PLXDC2: variants seen among roughly 807,000 people sequenced by gnomAD.
PLXDC2 encodes plexin domain-containing protein 2.
PLXDC2 carries 40 observed loss-of-function variants against 68.9 expected under a neutral mutation model. The observed-to-expected ratio is 0.58, with a 90% CI of 0.45 to 0.76. The LOEUF is 0.76. Ranked by LOEUF, PLXDC2 falls within the 30% of genes least tolerant of loss-of-function variation. PLXDC2 has a pLI of 0.00. For missense variants in PLXDC2, 644 were observed against 661.9 expected, an observed-to-expected ratio of 0.97 and a Z score of 0.30; for synonymous variants, 243 against 234.2, an observed-to-expected ratio of 1.04 and a Z score of -0.34.
intron 6 of PLXDC2, among the ~76,000 whole-genome samples, chr10:20,154,145 C>T (rs1235485785): frequency 1.3e-5 from 2 of 152,094 alleles, no homozygotes; most frequent in Non-Finnish European, 2.9e-5. Flanking sequence ...AACCCTAAAT[C>T]TCAGCTTCTT....
intron 1 of PLXDC2, among the ~76,000 whole-genome samples, chr10:19,869,708 G>T (rs1006265239): frequency 5.9e-5 from 9 of 151,510 alleles, no homozygotes; most frequent in Non-Finnish European, 1.3e-4. Context: ...ATTATCTGAA[G>T]TGTTTTATTT....
intron 1 of PLXDC2, among the ~76,000 whole-genome samples, chr10:19,994,928 G>A (rs1174822513): frequency 1.3e-5 from 2 of 151,902 alleles, no homozygotes; most frequent in Non-Finnish European, 2.9e-5. Context: ...ATTTTTAGTA[G>A]AGACGGGGTT....
At chr10:20,134,671 CT>C (rs1438851115) in intron 4 of PLXDC2, among the ~76,000 whole-genome samples, 20 of 152,266 alleles carry the variant, frequency 1.3e-4, no homozygotes, top group Admixed American at 1.1e-3. Context: ...TTCACAGGCG[CT>C]TACGTGAAGC....
intron 1 of PLXDC2, among the ~76,000 whole-genome samples, chr10:19,975,874 T>C (rs1033418094): frequency 6.6e-6 from 1 of 151,594 alleles, no homozygotes; most frequent in Non-Finnish European, 1.5e-5. Flanking sequence ...CATGGTGGCA[T>C]GCGCCTGTAA....
intron 6 of PLXDC2, among the ~76,000 whole-genome samples, chr10:20,160,158 C>G (rs867684881): frequency 6.6e-6 from 1 of 152,218 alleles, no homozygotes; most frequent in Middle Eastern, 3.4e-3. Context: ...TCTATCTTAT[C>G]AAATGGACAG....
intron 3 of PLXDC2, among the ~76,000 whole-genome samples, chr10:20,053,570 C>A (rs575813171): frequency 6.6e-6 from 1 of 152,218 alleles, no homozygotes; most frequent in Admixed American, 6.5e-5. Context: ...ATTTCAAATT[C>A]CACGTTTTTG....
chr10:19,871,241 A>T (rs1837528767), intron 1 of PLXDC2, among the ~76,000 whole-genome samples: 1 of 152,188 alleles, frequency 6.6e-6, no homozygotes, highest in Admixed American at 6.5e-5. Context: ...CATGAAGAGA[A>T]CTGTTCACAT....
At chr10:20,213,099 C>T (rs1472114439) in intron 10 of PLXDC2, among the ~76,000 whole-genome samples, 4 of 151,914 alleles carry the variant, frequency 2.6e-5, no homozygotes, top group African/African-American at 9.7e-5. Flanking sequence ...GTTTTATATG[C>T]CTGTGCATCT....
chr10:20,233,825 A>AT (rs920230732), intron 12 of PLXDC2, among the ~76,000 whole-genome samples: 8 of 151,676 alleles, frequency 5.3e-5, no homozygotes, highest in African/African-American at 7.3e-5. Flanking sequence ...ATTTTTATTT[A>AT]TTTTTTTTAG....
intron 3 of PLXDC2, among the ~76,000 whole-genome samples, chr10:20,050,024 T>C (rs1835864562): frequency 6.6e-6 from 1 of 152,046 alleles, no homozygotes; most frequent in African/African-American, 2.4e-5. Flanking sequence ...CACAGACCAA[T>C]GGAACAGAAT....
At chr10:19,858,091 G>A (rs1837248430) in intron 1 of PLXDC2, among the ~76,000 whole-genome samples, 1 of 152,086 alleles carries the variant, frequency 6.6e-6, no homozygotes, top group African/African-American at 2.4e-5. Flanking sequence ...CGCTCATCTG[G>A]CCTCTTGGAG....
chr10:20,240,947 T>G (rs569312806), intron 12 of PLXDC2, among the ~76,000 whole-genome samples: 1 of 152,180 alleles, frequency 6.6e-6, no homozygotes, highest in Non-Finnish European at 1.5e-5. Context: ...CTCATAGATC[T>G]CTAAATATTT....
intron 1 of PLXDC2, among the ~76,000 whole-genome samples, chr10:19,953,583 G>T (rs1475843580): frequency 2.0e-5 from 3 of 152,250 alleles, no homozygotes; most frequent in Non-Finnish European, 4.4e-5. Flanking sequence ...ATTTCCAGTA[G>T]GTCTAGAAGT....
At chr10:20,228,021 T>C (rs1157779979) in intron 12 of PLXDC2, among the ~76,000 whole-genome samples, 10 of 152,090 alleles carry the variant, frequency 6.6e-5, no homozygotes, top group Non-Finnish European at 1.5e-4. Context: ...GACATGGGCG[T>C]AAGTTATCTG....
chr10:20,287,194 A>G lies in PLXDC2; in HGVS notation c.*7375A>G, dbSNP rs137858717. ...CCTATGATTAGTCTAAAATGCAGCC[A>G]TCACCCCCCATACCTCTTCTATGGC... On this transcript the variant is annotated 3_prime_UTR_variant, in exon 14 of 14. Coordinates refer to ENST00000377252, the MANE Select transcript of PLXDC2 (RefSeq NM_032812.9). The G allele has an allele frequency of 1.3e-5, 2 of 152,324 alleles. No homozygotes were observed. Among genetic ancestry groups the G allele is most frequent in the East Asian group, 3.9e-4 (2 of 5,174 alleles). The allele number at this position is 152,324 out of a possible 1,614,324, so 9.4% of individuals were successfully genotyped here.
chr10:19,837,415 T>A (rs919174941), intron 1 of PLXDC2, among the ~76,000 whole-genome samples: 1,390 of 92,714 alleles, frequency 0.015, 18 homozygotes, highest in African/African-American at 0.054. Flanking sequence ...AGAGAGTGTG[T>A]GTGTGTGTGT....
intron 12 of PLXDC2, among the ~76,000 whole-genome samples, chr10:20,237,003 T>G (rs74932407): frequency 0.023 from 3,462 of 151,236 alleles, 129 homozygotes; most frequent in African/African-American, 0.076. Context: ...AGTTGTTGTT[T>G]TTTTTTTTTA....
chr10:20,135,524 A>C (rs145105538), intron 4 of PLXDC2, among the ~76,000 whole-genome samples: 1 of 152,332 alleles, frequency 6.6e-6, no homozygotes, highest in Non-Finnish European at 1.5e-5. Flanking sequence ...TTGTTAGTTC[A>C]AAGTGAAAAA....
At chr10:20,001,351 T>C (rs2131637200) in intron 1 of PLXDC2, among the ~76,000 whole-genome samples, 1 of 152,302 alleles carries the variant, frequency 6.6e-6, no homozygotes, top group African/African-American at 2.4e-5. Flanking sequence ...AAATATAAGC[T>C]TACAAATTAA....
Sources: gnomAD v4.1 joint callset for allele counts (sites outside exome capture counted in the v4.1 genomes callset) on GRCh38, gnomAD v4.1.1 for gene constraint, MANE v1.5 for transcripts, NCBI Gene and HGNC (gene_info 2026-07-23, HGNC 2026-07-21) for gene names.